The following EFHD2 variants were observed in gnomAD, a reference collection of about 807,000 sequenced individuals.
The protein encoded by EFHD2 is EF-hand domain-containing protein D2.
Under a neutral mutation model 20.3 loss-of-function variants are expected in EFHD2, and 12 were observed. The observed-to-expected ratio is 0.59, with a 90% CI of 0.38 to 0.96. The LOEUF is 0.96. Ranked by LOEUF, EFHD2 falls within the 40% of genes least tolerant of loss-of-function variation. The pLI, the probability that EFHD2 is intolerant of heterozygous loss-of-function variation, is 0.00. For missense variants in EFHD2, 250 were observed against 334.3 expected, an observed-to-expected ratio of 0.75 and a Z score of 1.97; for synonymous variants, 131 against 143.9, an observed-to-expected ratio of 0.91 and a Z score of 0.64.
rs1449652772 is a variant in EFHD2, at chr1:15,420,316, C to A, written c.309-5555C>A. ...TCACTATGTGCCAGGCATTTTATAT[C>A]TGTCAGCTCATTTTCATTTTCTTTT... On this transcript the variant is annotated intron_variant, in intron 1 of 3. Transcript: ENST00000375980. Among the ~76,000 whole-genome samples the A allele has an allele frequency of 2.0e-5, 3 of 152,128 alleles. No homozygotes were observed. In the East Asian group the frequency reaches 5.8e-4, roughly 29 times the overall value.
intron 1 of EFHD2, among the ~76,000 whole-genome samples, chr1:15,419,944 G>A (rs764857058): frequency 4.6e-5 from 7 of 152,170 alleles, no homozygotes; most frequent in Non-Finnish European, 8.8e-5. Context: ...TCTGTCCAGC[G>A]GTCTTCTGTC....
rs987076547 is a variant in EFHD2 at position 15,414,471 on chromosome 1, C to T, written c.308+4192C>T. 4.6e-5 allele frequency among the ~76,000 whole-genome samples: 7 copies of T among 152,384 alleles called. No homozygotes were observed. In the East Asian group the frequency reaches 1.3e-3, roughly 29 times the overall value. On this transcript the variant is annotated intron_variant, in intron 1 of 3. Coordinates refer to ENST00000375980, the MANE Select transcript of EFHD2 (RefSeq NM_024329.6). Reference sequence around the variant, plus strand: ...CTGGAACAGCGGGGACAGGGGGACCCACGTTACAGGGTTGTTGTATGGCGC... The same window carrying T: ...CTGGAACAGCGGGGACAGGGGGACCTACGTTACAGGGTTGTTGTATGGCGC...
rs1015594190 is a variant in EFHD2 at position 15,413,772 on chromosome 1, C to T, written c.308+3493C>T. On this transcript the variant is annotated intron_variant, in intron 1 of 3. Transcript: ENST00000375980. The surrounding 1 kb of genome is among the most constrained non-coding windows in gnomAD (Gnocchi z 4.4). ...AACCTTGTATGATGAGGAGAGTGGT[C>T]CCGGTGTCTCAGGGTGGGGCTCCGA... Among the ~76,000 whole-genome samples the T allele has an allele frequency of 4.6e-5, 7 of 152,194 alleles. No homozygotes were observed. The highest frequency in any genetic ancestry group is 8.8e-5 in the Non-Finnish European group (6 of 68,022).
In EFHD2 at chr1:15,426,021, A is replaced by C; in HGVS notation, c.456+3A>C. The C allele has an allele frequency of 6.3e-7, 1 of 1,575,668 alleles. No individual in the cohort carries two copies. Among genetic ancestry groups the C allele is most frequent in the South Asian group, 1.2e-5 (1 of 85,936 alleles). On this transcript the variant is annotated splice_donor_region_variant and intron_variant, in intron 2 of 3. Coordinates refer to ENST00000375980, the MANE Select transcript of EFHD2 (RefSeq NM_024329.6). The surrounding 1 kb of genome is among the most constrained non-coding windows in gnomAD (Gnocchi z 4.6). Reference sequence around the variant, plus strand: ...ACAGCAAGCTGAGCTTCCGGGAGGTAAGCCCGGCCCCCAGCCCCACTCCCC... The same window carrying C: ...ACAGCAAGCTGAGCTTCCGGGAGGTCAGCCCGGCCCCCAGCCCCACTCCCC...
At chr1:15,417,105 C>A (rs1707684132) in intron 1 of EFHD2, among the ~76,000 whole-genome samples, 1 of 152,182 alleles carries the variant, frequency 6.6e-6, no homozygotes, top group Non-Finnish European at 1.5e-5. Flanking sequence ...GCCACCACGC[C>A]CAGCCCATAA....
chr1:15,421,713 G>A (rs943190984), intron 1 of EFHD2, among the ~76,000 whole-genome samples: 6 of 152,174 alleles, frequency 3.9e-5, no homozygotes, highest in Admixed American at 2.6e-4. Flanking sequence ...ATGCACTTGA[G>A]CAATAAATAA....
Position 15,428,788 on chromosome 1 carries a change from G to A in EFHD2, c.*64G>A. On this transcript the variant is annotated 3_prime_UTR_variant, in exon 4 of 4. Transcript: ENST00000375980. ...TGGTGGGCGAGGGTGGCGCATGGGA[G>A]GCCGAGCCTGAATCCTTGCCTGTGT... 2 of 1,545,914 alleles carry A rather than the reference G, an allele frequency of 1.3e-6. No individual in the cohort carries two copies. The highest frequency in any genetic ancestry group is 1.2e-5 in the South Asian group (1 of 83,730).
intron 1 of EFHD2, among the ~76,000 whole-genome samples, chr1:15,418,720 T>A (rs1707733243): frequency 6.6e-6 from 1 of 152,220 alleles, no homozygotes; most frequent in African/African-American, 2.4e-5. Context: ...GAATCTGATT[T>A]TCAGGAACGA....
In EFHD2 at chr1:15,426,096, C is replaced by T. The variant is rs983547567; in HGVS notation, c.456+78C>T. 1 of 1,402,296 alleles carries T rather than the reference C, an allele frequency of 7.1e-7. No individual in the cohort carries two copies. Among genetic ancestry groups the T allele is most frequent in the Non-Finnish European group, 9.5e-7 (1 of 1,057,508 alleles). The allele number at this position is 1,402,296 out of a possible 1,614,324, so 86.9% of individuals were successfully genotyped here. ...TGGTGGCCCGGGAGAGACCAACCCCCACCCTTTGTCAATGAATGAATGACA... is the reference window on the plus strand; with the variant it reads ...TGGTGGCCCGGGAGAGACCAACCCCTACCCTTTGTCAATGAATGAATGACA... On this transcript the variant is annotated intron_variant, in intron 2 of 3. Coordinates refer to ENST00000375980, the MANE Select transcript of EFHD2 (RefSeq NM_024329.6). The surrounding 1 kb of genome is among the most constrained non-coding windows in gnomAD (Gnocchi z 4.6).
chr1:15,423,083 C>A (rs1205552567), intron 1 of EFHD2, among the ~76,000 whole-genome samples: 3 of 152,158 alleles, frequency 2.0e-5, no homozygotes, highest in African/African-American at 7.2e-5. Context: ...GGTCATGTGG[C>A]GCCCGCCCAG....
chr1:15,412,280 GCA>G (rs1707544502), intron 1 of EFHD2, among the ~76,000 whole-genome samples: 1 of 152,044 alleles, frequency 6.6e-6, no homozygotes, highest in Non-Finnish European at 1.5e-5. Flanking sequence ...CCCCCATCGG[GCA>G]GTGCAGAGCT....
chr1:15,427,192 G>A lies in EFHD2; in HGVS notation c.499G>A (p.Glu167Lys), dbSNP rs1430994321. ...CAAGGCGGCGGCCGGGGAGCTTCAG[G>A]AGGACAGCGGGCTGTGCGTGCTGGC... ...FRKAAAGELQEDSGLCVLARL... is the reference protein window; with the variant it reads ...FRKAAAGELQKDSGLCVLARL... Residue 167 changes from glutamate (E) to lysine (K), a missense_variant, in exon 3 of 4, where the codon GAG (glutamate) becomes AAG (lysine). Physicochemically the swap from Glu to Lys is moderately conservative, Grantham distance 56. Transcript: ENST00000375980. 1 of 1,608,308 alleles carries A rather than the reference G, an allele frequency of 6.2e-7. No homozygotes were observed. Among genetic ancestry groups the A allele is most frequent in the Non-Finnish European group, 8.5e-7 (1 of 1,177,860 alleles).
intron 1 of EFHD2, among the ~76,000 whole-genome samples, chr1:15,418,358 T>C (rs1310513745): frequency 7.7e-6 from 1 of 130,590 alleles, no homozygotes; most frequent in Non-Finnish European, 1.6e-5. Context: ...CAGGCTGGAG[T>C]GCAGTGGCGC....
At chr1:15,412,678 T>C (rs1194210954) in intron 1 of EFHD2, among the ~76,000 whole-genome samples, 1 of 152,148 alleles carries the variant, frequency 6.6e-6, no homozygotes, top group East Asian at 1.9e-4. Context: ...AAAACAAAGA[T>C]GGAGCTGTTC....
intron 1 of EFHD2, among the ~76,000 whole-genome samples, chr1:15,415,392 T>C (rs1279700973): frequency 6.6e-6 from 1 of 152,152 alleles, no homozygotes; most frequent in African/African-American, 2.4e-5. Flanking sequence ...ACAGAGCCAC[T>C]AGTTCTAGCC....
chr1:15,418,046 G>T (rs1360888292), intron 1 of EFHD2, among the ~76,000 whole-genome samples: 3 of 134,220 alleles, frequency 2.2e-5, no homozygotes, highest in Non-Finnish European at 4.6e-5. Flanking sequence ...CTGGAGTGCA[G>T]TGGCACAATC....
chr1:15,425,354 G>T (rs1346994847), intron 1 of EFHD2, among the ~76,000 whole-genome samples: 1 of 152,054 alleles, frequency 6.6e-6, no homozygotes. Context: ...GTGAAACACT[G>T]TCTCTACTAA....
rs1365836403 is a variant in EFHD2 at position 15,413,891 on chromosome 1, T to C, written c.308+3612T>C. Among the ~76,000 whole-genome samples, 2 of 152,178 alleles carry C rather than the reference T, an allele frequency of 1.3e-5. No individual in the cohort carries two copies. Among genetic ancestry groups the C allele is most frequent in the African/African-American group, 4.8e-5 (2 of 41,442 alleles). On this transcript the variant is annotated intron_variant, in intron 1 of 3. Transcript: ENST00000375980. This position sits in a 1 kb window ranked among gnomAD's most constrained non-coding sequence, Gnocchi z 4.4. Reference sequence around the variant, plus strand: ...GCAGCCAGGACTCTCCATCCCCGTCTCCGTGCGGCCTCAGGCTACGTCCAG... The same window carrying C: ...GCAGCCAGGACTCTCCATCCCCGTCCCCGTGCGGCCTCAGGCTACGTCCAG...
At chr1:15,411,861 C>T (rs1056654003) in intron 1 of EFHD2, among the ~76,000 whole-genome samples, 2 of 152,110 alleles carry the variant, frequency 1.3e-5, no homozygotes, top group Non-Finnish European at 2.9e-5. Context: ...CAGGAAGGGG[C>T]GTTTTGCAAC....
Sources: gnomAD v4.1 joint callset for allele counts (sites outside exome capture counted in the v4.1 genomes callset) on GRCh38, gnomAD v4.1.1 for gene constraint, Gnocchi (gnomAD v3.1) non-coding constraint, MANE v1.5 for transcripts, NCBI Gene and HGNC (gene_info 2026-07-23, HGNC 2026-07-21) for gene names.